The following PLCB1 variants were observed in gnomAD, a reference collection of about 807,000 sequenced individuals.
PLCB1 encodes the protein phospholipase C beta 1.
PLCB1 carries 46 observed loss-of-function variants against 161.8 expected under a neutral mutation model. The observed-to-expected ratio is 0.28, with a 90% CI of 0.22 to 0.36. The LOEUF (loss-of-function observed/expected upper bound fraction) is 0.36. Ranked by LOEUF, PLCB1 falls within the 10% of genes least tolerant of loss-of-function variation. The pLI, the probability that PLCB1 is intolerant of heterozygous loss-of-function variation, is 1.00. For missense variants in PLCB1, 1,016 were observed against 1,472.5 expected (o/e 0.69, Z 5.07); for synonymous variants, 517 against 503.7 (o/e 1.03, Z -0.35).
intron 3 of PLCB1, among the ~76,000 whole-genome samples, chr20:8,502,482 G>A (rs1983465561): frequency 6.6e-6 from 1 of 152,128 alleles, no homozygotes; most frequent in Non-Finnish European, 1.5e-5. Context: ...GAAATAAAAT[G>A]CATAATTATT....
At chr20:8,753,967 G>A (rs1279839562) in intron 23 of PLCB1, among the ~76,000 whole-genome samples, 1 of 152,250 alleles carries the variant, frequency 6.6e-6, no homozygotes, top group East Asian at 1.9e-4. Flanking sequence ...CTTAGGGGTT[G>A]TGTCCCAAGA....
chr20:8,150,317 T>C lies in PLCB1; in HGVS notation c.123T>C (p.Ile41=). ...WDDDSTIVTP[I]ILRTDPQGFF... ...AGGACTCAACTATTGTTACTCCAAT[T>C]ATTTTGAGGACTGACCCTCAGGGAT... The change falls in exon 2 of 32, where the codon ATT becomes ATC. Residue 41 remains isoleucine (I), a synonymous_variant. Coordinates refer to ENST00000338037, the MANE Select transcript of PLCB1 (RefSeq NM_015192.4). 1 of 1,547,658 alleles carries C rather than the reference T, an allele frequency of 6.5e-7. No individual in the cohort carries two copies. The highest frequency in any genetic ancestry group is 8.9e-7 in the Non-Finnish European group (1 of 1,125,974).
intron 2 of PLCB1, among the ~76,000 whole-genome samples, chr20:8,271,417 T>A (rs1982274411): frequency 6.6e-6 from 1 of 152,140 alleles, no homozygotes. Context: ...CCTGATAGAA[T>A]TAAGAATCCA....
intron 2 of PLCB1, among the ~76,000 whole-genome samples, chr20:8,310,363 C>T (rs781249480): frequency 1.4e-4 from 22 of 152,114 alleles, no homozygotes; most frequent in Non-Finnish European, 1.9e-4. Context: ...AACTGTTAGT[C>T]CCAAGCTTAT....
At chr20:8,380,476 C>T (rs138718481) in intron 3 of PLCB1, among the ~76,000 whole-genome samples, 1,701 of 152,248 alleles carry the variant, frequency 0.011, 16 homozygotes, top group Non-Finnish European at 0.018. Flanking sequence ...TTTTCTAATT[C>T]TGTGAAGAAT....
At chr20:8,465,132 G>A (rs1452572623) in intron 3 of PLCB1, among the ~76,000 whole-genome samples, 1 of 151,870 alleles carries the variant, frequency 6.6e-6, no homozygotes, top group Non-Finnish European at 1.5e-5. Context: ...TCTTATTCAT[G>A]TTGACTTGTT....
intron 2 of PLCB1, among the ~76,000 whole-genome samples, chr20:8,320,751 A>G (rs1026782802): frequency 6.6e-6 from 1 of 151,520 alleles, no homozygotes; most frequent in African/African-American, 2.4e-5. Context: ...CAAGGAATGC[A>G]AAACAGTTTT....
At chr20:8,509,722 G>A (rs560162852) in intron 3 of PLCB1, among the ~76,000 whole-genome samples, 35 of 146,380 alleles carry the variant, frequency 2.4e-4, no homozygotes, top group South Asian at 1.8e-3. Context: ...TAAAGAGATA[G>A]GCAGATCATA....
chr20:8,286,051 A>T (rs2123292885), intron 2 of PLCB1, among the ~76,000 whole-genome samples: 1 of 152,354 alleles, frequency 6.6e-6, no homozygotes, highest in African/African-American at 2.4e-5. Flanking sequence ...TCATCCTGGC[A>T]CAGTGGCTCA....
chr20:8,770,199 A>G (rs1224968193), intron 26 of PLCB1, among the ~76,000 whole-genome samples: 8 of 151,852 alleles, frequency 5.3e-5, no homozygotes, highest in Non-Finnish European at 8.8e-5. Flanking sequence ...TGATCCGCCC[A>G]CCTCGGCCTC....
intron 3 of PLCB1, among the ~76,000 whole-genome samples, chr20:8,611,550 C>T (rs547407471): frequency 1.8e-4 from 27 of 152,172 alleles, no homozygotes; most frequent in African/African-American, 6.5e-4. Context: ...GTTCTAAAAA[C>T]ATGGCTATAT....
intron 2 of PLCB1, among the ~76,000 whole-genome samples, chr20:8,275,463 A>G (rs926611655): frequency 3.9e-5 from 6 of 152,074 alleles, no homozygotes; most frequent in Admixed American, 1.3e-4. Context: ...TTCTTTCTCA[A>G]TTTGTGGTTA....
At chr20:8,743,662 C>A (rs1383492840) in intron 23 of PLCB1, among the ~76,000 whole-genome samples, 1 of 152,134 alleles carries the variant, frequency 6.6e-6, no homozygotes, top group African/African-American at 2.4e-5. Flanking sequence ...TCTAGGGAAA[C>A]CAGCAATGCT....
chr20:8,302,747 T>C (rs1436856920), intron 2 of PLCB1, among the ~76,000 whole-genome samples: 1 of 152,172 alleles, frequency 6.6e-6, no homozygotes, highest in Non-Finnish European at 1.5e-5. Context: ...ACATACCCCT[T>C]CATTTATCTA....
At chr20:8,784,235 T>C (rs75687360) in intron 27 of PLCB1, among the ~76,000 whole-genome samples, 7 of 152,106 alleles carry the variant, frequency 4.6e-5, no homozygotes, top group Non-Finnish European at 7.3e-5. Context: ...AAATGCCGTG[T>C]GGGCAGAACT....
chr20:8,779,226 A>T (rs901940253), intron 27 of PLCB1, among the ~76,000 whole-genome samples: 4 of 152,144 alleles, frequency 2.6e-5, no homozygotes, highest in African/African-American at 9.7e-5. Flanking sequence ...TTCCTGTCAG[A>T]TGTTTACTGA....
chr20:8,815,476 C>T (rs1985042497), intron 31 of PLCB1, among the ~76,000 whole-genome samples: 1 of 152,146 alleles, frequency 6.6e-6, no homozygotes, highest in Non-Finnish European at 1.5e-5. Context: ...CCATTGCTAA[C>T]CCTGGCAAAC....
chr20:8,333,479 A>G (rs1442849595), intron 2 of PLCB1, among the ~76,000 whole-genome samples: 2 of 152,146 alleles, frequency 1.3e-5, no homozygotes, highest in East Asian at 1.9e-4. Context: ...CCTCAGAGCA[A>G]TGTTTTCCAA....
At chr20:8,525,244 C>CAT in intron 3 of PLCB1, among the ~76,000 whole-genome samples, 1 of 118,602 alleles carries the variant, frequency 8.4e-6, no homozygotes, top group Non-Finnish European at 1.8e-5. Context: ...CTTCTTAACC[C>CAT]ATATATATAG....
Sources: allele counts gnomAD v4.1 joint callset (sites outside exome capture counted in the v4.1 genomes callset), GRCh38; gene constraint gnomAD v4.1.1; transcripts MANE v1.5; gene names NCBI Gene and HGNC (gene_info 2026-07-23, HGNC 2026-07-21).